Variants in AK4 observed in about 807,000 individuals in gnomAD.
AK4 encodes the protein adenylate kinase 4.
In AK4, 13 loss-of-function variants were observed where a neutral mutation model predicts 24.6. The observed-to-expected ratio is 0.53, with a 90% CI of 0.34 to 0.84. AK4 has a LOEUF of 0.84. AK4 is among the 40% of genes least tolerant of loss of function. The pLI, the probability that AK4 is intolerant of heterozygous loss-of-function variation, is 0.01. For missense variants in AK4, 192 were observed against 288.2 expected (o/e 0.67, Z 2.42); for synonymous variants, 88 against 107.0 (o/e 0.82, Z 1.10).
chr1:65,208,630 T>G (rs1651879917), intron 2 of AK4, among the ~76,000 whole-genome samples: 1 of 152,212 alleles, frequency 6.6e-6, no homozygotes, highest in South Asian at 2.1e-4. Context: ...TGATGTCGCA[T>G]AGCCTTTTCA....
chr1:65,148,133 T>C (rs7551080), upstream of AK4: 104,251 of 575,958 alleles, frequency 0.18, 18,743 homozygotes, highest in African/African-American at 0.68. Context: ...TTCAGCAGCT[T>C]TGCGTGGGGG....
chr1:65,157,443 T>A (rs1230167154), intron 1 of AK4, among the ~76,000 whole-genome samples: 1 of 152,106 alleles, frequency 6.6e-6, no homozygotes, highest in African/African-American at 2.4e-5. Flanking sequence ...GAGCTGCTGT[T>A]TTTTGGTGGA....
intron 1 of AK4, among the ~76,000 whole-genome samples, chr1:65,150,118 C>T (rs1649716473): frequency 6.6e-6 from 1 of 152,136 alleles, no homozygotes; most frequent in South Asian, 2.1e-4. Context: ...TGACTTGTTT[C>T]CTTCTGGAAT....
At chr1:65,148,077 C>T (rs1002796452), upstream of AK4, 4 of 301,022 alleles carry the variant, frequency 1.3e-5, no homozygotes, top group Admixed American at 9.6e-5. Flanking sequence ...GCCGGGCCGA[C>T]CTCTGACCCC....
In AK4 at chr1:65,226,326, A is replaced by G; in HGVS notation, c.*149A>G. ...TGAACTGATAGGAAAACAAATGAGTAGAAAGAGTTCATGAAGAGGCCCTCC... is the reference window on the plus strand; with the variant it reads ...TGAACTGATAGGAAAACAAATGAGTGGAAAGAGTTCATGAAGAGGCCCTCC... On this transcript the variant is annotated 3_prime_UTR_variant, in exon 5 of 5. Coordinates refer to ENST00000327299, the MANE Select transcript of AK4 (RefSeq NM_013410.4). 2.3e-6 allele frequency: 2 copies of G among 862,760 alleles called. No individual in the cohort carries two copies. The highest frequency in any genetic ancestry group is 3.5e-6 in the Non-Finnish European group (2 of 570,422). 53.4% of individuals were successfully genotyped at this position (862,760 alleles called of 1,614,324 possible).
At chr1:65,154,424 G>C in intron 1 of AK4, 1 of 434,012 alleles carries the variant, frequency 2.3e-6, no homozygotes, top group South Asian at 1.6e-5. Context: ...GCCCTTGGAA[G>C]AGCACATGCA....
At chr1:65,195,998 C>G (rs1392615317) in intron 2 of AK4, among the ~76,000 whole-genome samples, 1 of 152,118 alleles carries the variant, frequency 6.6e-6, no homozygotes, top group Non-Finnish European at 1.5e-5. Flanking sequence ...CGTCATCCTC[C>G]CAAGTGATTT....
chr1:65,223,305 C>G (rs1355672160), intron 3 of AK4, among the ~76,000 whole-genome samples: 2 of 152,072 alleles, frequency 1.3e-5, no homozygotes, highest in Non-Finnish European at 2.9e-5. Context: ...TCTCCTGCCT[C>G]AGACTCTCGA....
At chr1:65,203,361 C>T (rs1010513486) in intron 2 of AK4, among the ~76,000 whole-genome samples, 3 of 151,912 alleles carry the variant, frequency 2.0e-5, no homozygotes, top group Non-Finnish European at 4.4e-5. Context: ...TTTTAAGCTC[C>T]AATAGAAATA....
intron 1 of AK4, among the ~76,000 whole-genome samples, chr1:65,163,005 A>G (rs1315078428): frequency 6.6e-6 from 1 of 152,206 alleles, no homozygotes; most frequent in Non-Finnish European, 1.5e-5. Flanking sequence ...TTGAATGGGT[A>G]TACCACATTT....
At chr1:65,152,576 A>AT (rs1649835075) in intron 1 of AK4, among the ~76,000 whole-genome samples, 1 of 150,304 alleles carries the variant, frequency 6.7e-6, no homozygotes, top group Non-Finnish European at 1.5e-5. Flanking sequence ...CTATTTTTGT[A>AT]TTTTTGGTGG....
chr1:65,190,250 TTC>T (rs1223014477), intron 1 of AK4, among the ~76,000 whole-genome samples: 3 of 150,618 alleles, frequency 2.0e-5, no homozygotes, highest in Non-Finnish European at 4.4e-5. Context: ...CTTTCTTGGT[TTC>T]TTTCTTTCTT....
At chr1:65,179,354 A>G (rs1484702596) in intron 1 of AK4, among the ~76,000 whole-genome samples, 1 of 152,198 alleles carries the variant, frequency 6.6e-6, no homozygotes, top group Non-Finnish European at 1.5e-5. Flanking sequence ...GGCAGTGTGT[A>G]GTGGTTAAGA....
chr1:65,203,297 G>A (rs1319452352), intron 2 of AK4, among the ~76,000 whole-genome samples: 1 of 151,896 alleles, frequency 6.6e-6, no homozygotes, highest in Non-Finnish European at 1.5e-5. Context: ...GTGGAGTTCT[G>A]GAAAATAGGT....
In AK4 at chr1:65,227,261, G is replaced by A. The variant is rs1462298116; in HGVS notation, c.*1084G>A. On this transcript the variant is annotated 3_prime_UTR_variant, in exon 5 of 5. Transcript: ENST00000327299. Reference sequence around the variant, plus strand: ...CTGACAGTGTTTCACTCCTATGAGTGACCCAAACATATTATAAATATGTGG... The same window carrying A: ...CTGACAGTGTTTCACTCCTATGAGTAACCCAAACATATTATAAATATGTGG... The A allele has an allele frequency of 7.1e-6, 1 of 140,240 alleles. No homozygotes were observed. The highest frequency in any genetic ancestry group is 2.5e-4 in the South Asian group (1 of 3,998). The allele number at this position is 140,240 out of a possible 1,614,324, so 8.7% of individuals were successfully genotyped here.
intron 2 of AK4, among the ~76,000 whole-genome samples, chr1:65,195,394 A>T (rs74080331): frequency 0.024 from 3,658 of 152,294 alleles, 150 homozygotes; most frequent in African/African-American, 0.083. Context: ...ATCATGACTG[A>T]TAAACTTTGA....
chr1:65,180,422 A>G (rs945485290), intron 1 of AK4, among the ~76,000 whole-genome samples: 1 of 152,210 alleles, frequency 6.6e-6, no homozygotes, highest in African/African-American at 2.4e-5. Context: ...GTATGAAGGA[A>G]AAGAAAGTCA....
intron 2 of AK4, among the ~76,000 whole-genome samples, chr1:65,205,670 C>A (rs1651790139): frequency 6.6e-6 from 1 of 152,178 alleles, no homozygotes; most frequent in Admixed American, 6.5e-5. Context: ...GTGTATCCTC[C>A]TGATCTGCAA....
intron 2 of AK4, among the ~76,000 whole-genome samples, chr1:65,216,676 C>G (rs1652144102): frequency 7.4e-6 from 1 of 135,756 alleles, no homozygotes; most frequent in Non-Finnish European, 1.5e-5. Flanking sequence ...TCTTCCTTTT[C>G]TTTCTTTTCT....
Sources: gnomAD v4.1 joint callset for allele counts (sites outside exome capture counted in the v4.1 genomes callset) on GRCh38, gnomAD v4.1.1 for gene constraint, MANE v1.5 for transcripts, NCBI Gene and HGNC (gene_info 2026-07-23, HGNC 2026-07-21) for gene names.